Variants in SLC30A5 observed in about 807,000 individuals in gnomAD.
SLC30A5 encodes proton-coupled zinc antiporter SLC30A5.
Under a neutral mutation model 79.6 loss-of-function variants are expected in SLC30A5, and 33 were observed. The observed-to-expected ratio is 0.41, with a 90% CI of 0.31 to 0.55. The LOEUF (loss-of-function observed/expected upper bound fraction) is 0.55. SLC30A5 is among the 20% of genes least tolerant of loss of function. SLC30A5 has a pLI of 0.20. For synonymous variants in SLC30A5, 299 were observed against 319.7 expected (o/e 0.94, Z 0.69); for missense variants, 788 against 928.1 (o/e 0.85, Z 1.96).
chr5:69,100,069 A>C (rs1745864969), intron 1 of SLC30A5, among the ~76,000 whole-genome samples: 1 of 152,028 alleles, frequency 6.6e-6, no homozygotes, highest in Non-Finnish European at 1.5e-5. Flanking sequence ...CCCGGGTTCA[A>C]GCGATTCTCT....
At chr5:69,118,187 A>G (rs1158944427) in intron 11 of SLC30A5, among the ~76,000 whole-genome samples, 1 of 150,382 alleles carries the variant, frequency 6.6e-6, no homozygotes, top group Non-Finnish European at 1.5e-5. Flanking sequence ...AAAAAAAAAA[A>G]AAAAAGAGAG....
chr5:69,119,064 G>C (rs1746466819), intron 12 of SLC30A5, among the ~76,000 whole-genome samples: 1 of 152,046 alleles, frequency 6.6e-6, no homozygotes, highest in Admixed American at 6.5e-5. Flanking sequence ...GCATCCCAAA[G>C]TGCTGGGATT....
chr5:69,094,439 G>A (rs554966035), intron 1 of SLC30A5, 101 bp downstream of exon 1: 2 of 1,190,380 alleles, frequency 1.7e-6, no homozygotes, highest in African/African-American at 1.6e-5. Flanking sequence ...ACGTCCCGGG[G>A]TCGGCGCGCC....
chr5:69,124,480 A>G (rs899709318), intron 14 of SLC30A5, among the ~76,000 whole-genome samples: 2 of 152,192 alleles, frequency 1.3e-5, no homozygotes, highest in Non-Finnish European at 2.9e-5. Context: ...GGGGAAAAAA[A>G]AGCTATATCT....
At chr5:69,121,089 C>A (rs554197627) in intron 12 of SLC30A5, among the ~76,000 whole-genome samples, 1 of 152,192 alleles carries the variant, frequency 6.6e-6, no homozygotes, top group Non-Finnish European at 1.5e-5. Flanking sequence ...TCGCTTGAGC[C>A]CAGGAGTTTG....
chr5:69,117,960 G>A (rs932831854), intron 11 of SLC30A5, among the ~76,000 whole-genome samples: 3 of 151,120 alleles, frequency 2.0e-5, no homozygotes, highest in Non-Finnish European at 2.9e-5. Context: ...CGGATCACAG[G>A]GTCAGGAGAT....
chr5:69,125,445 G>C (rs893023610), intron 14 of SLC30A5, among the ~76,000 whole-genome samples: 2 of 151,876 alleles, frequency 1.3e-5, no homozygotes, highest in African/African-American at 4.8e-5. Context: ...AGAATCGCTT[G>C]AACCCAGGAG....
chr5:69,120,771 A>G (rs750753148), intron 12 of SLC30A5, among the ~76,000 whole-genome samples: 5 of 152,154 alleles, frequency 3.3e-5, no homozygotes, highest in South Asian at 2.1e-4. Flanking sequence ...ATCTCTTACT[A>G]CTTTTGAAAA....
intron 6 of SLC30A5, among the ~76,000 whole-genome samples, chr5:69,114,169 A>G (rs904696786): frequency 2.6e-5 from 4 of 152,220 alleles, no homozygotes; most frequent in African/African-American, 9.6e-5. Flanking sequence ...CTTAAGCACT[A>G]TTATAATTGT....
In SLC30A5 at chr5:69,103,139, T is replaced by C; in HGVS notation, c.273+11T>C. ...ATTACCAAACACCAGGTAAGATTTTTGCAGAATCTTTTATTCCTAGCAGCT... is the reference window on the plus strand; with the variant it reads ...ATTACCAAACACCAGGTAAGATTTTCGCAGAATCTTTTATTCCTAGCAGCT... On this transcript the variant is annotated intron_variant, in intron 3 of 15. Transcript: ENST00000396591. 1 of 1,525,720 alleles carries C rather than the reference T, an allele frequency of 6.6e-7. No homozygotes were observed. The highest frequency in any genetic ancestry group is 1.7e-4 in the Middle Eastern group (1 of 5,782). The allele number at this position is 1,525,720 out of a possible 1,614,324, so 94.5% of individuals were successfully genotyped here. A position where few individuals can be genotyped will look rare whatever the true frequency, so the allele number is the denominator to read the frequency against.
intron 11 of SLC30A5, 200 bp from the exon 12 acceptor site, chr5:69,118,299 G>GTATATATGTGTGTGTATATATATATA (rs1746434425): frequency 1.4e-5 from 2 of 141,694 alleles, no homozygotes; most frequent in Admixed American, 1.7e-4. Flanking sequence ...TATATAACGT[G>GTATATATGTGTGTGTATATATATATA]TATATATATG....
chr5:69,108,602 A>C (rs1328542416), intron 5 of SLC30A5, among the ~76,000 whole-genome samples, 166 bp downstream of exon 5: 1 of 152,172 alleles, frequency 6.6e-6, no homozygotes, highest in Non-Finnish European at 1.5e-5. Flanking sequence ...TGGGCGGATT[A>C]CATGAGGTCA....
chr5:69,100,560 A>G (rs1745882489), intron 1 of SLC30A5, among the ~76,000 whole-genome samples: 1 of 151,086 alleles, frequency 6.6e-6, no homozygotes, highest in Non-Finnish European at 1.5e-5. Context: ...CGCTTGACCA[A>G]AGGAGTTCGA....
intron 7 of SLC30A5, 59 bp downstream of exon 7, chr5:69,114,555 A>G: frequency 9.6e-7 from 1 of 1,041,478 alleles, no homozygotes; most frequent in South Asian, 1.3e-5. Flanking sequence ...AGCAACTATA[A>G]CTATAAAGGT....
In SLC30A5 at chr5:69,116,330, A is replaced by C; in HGVS notation, c.1073-64A>C. On this transcript the variant is annotated intron_variant, in intron 9 of 15. Coordinates refer to ENST00000396591, the MANE Select transcript of SLC30A5 (RefSeq NM_022902.5). The surrounding 1 kb of genome is among the most constrained non-coding windows in gnomAD (Gnocchi z 4.0). Reference sequence around the variant, plus strand: ...GTGCTTGCATTTAGTGCCGACAGTTACTGTGTTGGTTTTGGTAGCTTAAAC... The same window carrying C: ...GTGCTTGCATTTAGTGCCGACAGTTCCTGTGTTGGTTTTGGTAGCTTAAAC... The C allele has an allele frequency of 6.7e-7, 1 of 1,502,510 alleles. No individual in the cohort carries two copies. The highest frequency in any genetic ancestry group is 2.3e-5 in the East Asian group (1 of 43,894). 93.1% of individuals were successfully genotyped at this position (1,502,510 alleles called of 1,614,324 possible). A position where few individuals can be genotyped will look rare whatever the true frequency, so the allele number is the denominator to read the frequency against.
chr5:69,106,700 C>T lies in SLC30A5; in HGVS notation c.360-1649C>T, dbSNP rs549638825. Among the ~76,000 whole-genome samples the T allele has an allele frequency of 3.9e-5, 6 of 152,252 alleles. No individual in the cohort carries two copies. In the South Asian group the frequency reaches 1.2e-3, roughly 32 times the overall value. ...CCTGTAATCCCAGCTACCTAGAAGG[C>T]TGAGGTGGAAGAGATCACCTGACCT... On this transcript the variant is annotated intron_variant, in intron 4 of 15. Transcript: ENST00000396591.
In SLC30A5 at chr5:69,125,516, G is replaced by A. The variant is rs144753034; in HGVS notation, c.1998+2091G>A. On this transcript the variant is annotated intron_variant, in intron 14 of 15. Transcript: ENST00000396591. ...AACAGAGCGAGACTGGCAACAGAGC[G>A]AGACTCTGTCCTTCCCCACACACAA... Among the ~76,000 whole-genome samples, 947 of 141,376 alleles carry A rather than the reference G, an allele frequency of 6.7e-3. 9 individuals are homozygous for A. Among genetic ancestry groups the A allele is most frequent in the Middle Eastern group, 0.014 (3 of 216 alleles). The allele number at this position is 141,376 out of a possible 152,430, so 92.7% of individuals were successfully genotyped here. A position where few individuals can be genotyped will look rare whatever the true frequency, so the allele number is the denominator to read the frequency against.
intron 4 of SLC30A5, among the ~76,000 whole-genome samples, chr5:69,107,533 TTGTA>T (rs1302811528): frequency 1.4e-5 from 2 of 142,836 alleles, no homozygotes; most frequent in African/African-American, 6.1e-5. Flanking sequence ...CTGTATATAA[TTGTA>T]TGTACTGTAT....
At position 69,117,314 on chromosome 5, in the gene SLC30A5, C is replaced by G; in HGVS notation, c.1357C>G (p.Leu453Val). 6.2e-7 allele frequency: 1 copy of G among 1,613,804 alleles called. No homozygotes were observed. The highest frequency in any genetic ancestry group is 8.5e-7 in the Non-Finnish European group (1 of 1,179,912). ...LGLISDGFHM[L>V]FDCSALVMGL... ...CCTGATCTCGGATGGATTCCACATG[C>G]TTTTTGACTGCTCTGCTTTAGTCAT... Residue 453 changes from leucine to valine, a missense_variant, in exon 11 of 16, where the codon CTT (leucine) becomes GTT (valine). By Grantham distance (32) the Leu-to-Val change is conservative. Coordinates refer to ENST00000396591, the MANE Select transcript of SLC30A5 (RefSeq NM_022902.5).
Sources: allele counts gnomAD v4.1 joint callset (sites outside exome capture counted in the v4.1 genomes callset), GRCh38; gene constraint gnomAD v4.1.1; non-coding constraint Gnocchi (gnomAD v3.1); transcripts MANE v1.5; gene names NCBI Gene and HGNC (gene_info 2026-07-23, HGNC 2026-07-21).